FAM184A: variants seen among roughly 807,000 people sequenced by gnomAD.
The protein encoded by FAM184A is family with sequence similarity 184 member A.
A neutral mutation model predicts 143.8 loss-of-function variants in FAM184A; 99 were observed. The observed-to-expected ratio is 0.69, with a 90% CI of 0.58 to 0.81. The LOEUF (loss-of-function observed/expected upper bound fraction) is 0.81. Among genes scored for constraint, FAM184A ranks in the 40% least tolerant of loss-of-function variants. The pLI, the probability that FAM184A is intolerant of heterozygous loss-of-function variation, is 0.00. For missense variants in FAM184A, 1,217 were observed against 1,310.5 expected (o/e 0.93, Z 1.10); for synonymous variants, 427 against 446.4 (o/e 0.96, Z 0.55).
chr6:119,113,344 G>T (rs949320517), intron 1 of FAM184A, among the ~76,000 whole-genome samples: 1 of 152,154 alleles, frequency 6.6e-6, no homozygotes, highest in Non-Finnish European at 1.5e-5. Context: ...ATGAGGCCTG[G>T]CTGTGTCCTG....
At position 118,997,700 on chromosome 6, in the gene FAM184A, GA is replaced by G. The variant is rs199929905; in HGVS notation, c.2088+5198del. Among the ~76,000 whole-genome samples the G allele has an allele frequency of 6.6e-3, 945 of 143,816 alleles. 6 individuals carry two copies. Among genetic ancestry groups the G allele is most frequent in the African/African-American group, 0.022 (877 of 39,256 alleles). 94.3% of individuals were successfully genotyped at this position (143,816 alleles called of 152,430 possible). The stretch of plus-strand genomic sequence containing the variant: ...GACACAGCAAGACTCCATCTCAGGG[GA>G]AAAAAAAAACAAAAACAACAGCAGA... On this transcript the variant is annotated intron_variant, in intron 9 of 17. Transcript: ENST00000338891.
chr6:119,074,603 C>CAA (rs148111036), intron 1 of FAM184A, among the ~76,000 whole-genome samples: 10 of 150,116 alleles, frequency 6.7e-5, no homozygotes, highest in South Asian at 4.2e-4. Context: ...TTGAAAGTGA[C>CAA]AAAAAAAAAG....
chr6:118,970,043 A>ACCCAG (rs1259536799), intron 14 of FAM184A, among the ~76,000 whole-genome samples: 1 of 67,024 alleles, frequency 1.5e-5, no homozygotes, highest in Non-Finnish European at 3.1e-5. Flanking sequence ...TTGTTCTGTC[A>ACCCAG]CCCAGGCTGG....
chr6:118,966,836 A>G lies in FAM184A; in HGVS notation c.3032T>C (p.Ile1011Thr). ...TERDQIIKKL[I>T]EDNKFYQLEL... ...TAGACTAAAACCAAAATATCTTACA[A>G]TTAGTTTCTTTATGATCTGGTCTCT... Residue 1011 changes from isoleucine (I) to threonine (T), a missense_variant and splice_region_variant, in exon 15 of 18, where the codon ATT (isoleucine) becomes ACT (threonine). Physicochemically the swap from Ile to Thr is moderately conservative, Grantham distance 89 (BLOSUM62 -1). Coordinates refer to ENST00000338891, the MANE Select transcript of FAM184A (RefSeq NM_024581.6). 7 of 1,509,220 alleles carry G rather than the reference A, an allele frequency of 4.6e-6. No individual in the cohort carries two copies. Among genetic ancestry groups the G allele is most frequent in the Non-Finnish European group, 6.4e-6 (7 of 1,095,090 alleles). 93.5% of individuals were successfully genotyped at this position (1,509,220 alleles called of 1,614,324 possible).
chr6:119,099,776 G>A (rs994903237), intron 1 of FAM184A, among the ~76,000 whole-genome samples: 2 of 152,044 alleles, frequency 1.3e-5, no homozygotes, highest in African/African-American at 4.8e-5. Context: ...CCTGAAGAGG[G>A]CATGGAAACT....
intron 7 of FAM184A, among the ~76,000 whole-genome samples, chr6:119,004,936 C>T (rs1056029202): frequency 2.0e-5 from 3 of 152,108 alleles, no homozygotes; most frequent in Admixed American, 1.3e-4. Flanking sequence ...TGGGTGCGCA[C>T]CAAGGCAAGA....
At chr6:119,040,923 G>A (rs1786304718) in intron 1 of FAM184A, among the ~76,000 whole-genome samples, 1 of 152,126 alleles carries the variant, frequency 6.6e-6, no homozygotes, top group Non-Finnish European at 1.5e-5. Context: ...GTTCCAGAAG[G>A]TGAACAAATG....
chr6:119,140,496 A>G (rs558237932), intron 1 of FAM184A, among the ~76,000 whole-genome samples: 3 of 152,292 alleles, frequency 2.0e-5, no homozygotes, highest in African/African-American at 7.2e-5. Flanking sequence ...CACTTTCCCA[A>G]ACTCACAGGG....
intron 1 of FAM184A, among the ~76,000 whole-genome samples, chr6:119,123,547 A>C (rs1241147453): frequency 6.6e-6 from 1 of 152,130 alleles, no homozygotes; most frequent in Non-Finnish European, 1.5e-5. Flanking sequence ...TAACTTTTGA[A>C]AGTGTTGAGT....
chr6:119,012,672 T>G (rs143820388), intron 5 of FAM184A, among the ~76,000 whole-genome samples: 1 of 152,326 alleles, frequency 6.6e-6, no homozygotes, highest in East Asian at 1.9e-4. Flanking sequence ...AAATTCCAGA[T>G]TCCCAGAAGG....
chr6:119,055,081 C>T (rs138042651), intron 1 of FAM184A, among the ~76,000 whole-genome samples: 1 of 152,286 alleles, frequency 6.6e-6, no homozygotes, highest in Non-Finnish European at 1.5e-5. Context: ...CTCTCAACTA[C>T]TACTCTACTT....
chr6:119,015,384 G>C (rs1785210374), intron 5 of FAM184A, among the ~76,000 whole-genome samples: 1 of 152,182 alleles, frequency 6.6e-6, no homozygotes, highest in Non-Finnish European at 1.5e-5. Flanking sequence ...CTGGAGTTCT[G>C]GGTGGGTGTG....
intron 9 of FAM184A, 58 bp downstream of exon 9, chr6:119,002,841 G>T: frequency 1.4e-6 from 2 of 1,410,184 alleles, no homozygotes; most frequent in Admixed American, 2.4e-5. Flanking sequence ...TACAATATTT[G>T]CCTAGCCAGA....
At chr6:118,962,134 A>G (rs1270237992) in intron 16 of FAM184A, 171 bp from the exon 17 acceptor site, 15 of 620,636 alleles carry the variant, frequency 2.4e-5, no homozygotes, top group Non-Finnish European at 3.7e-5. Flanking sequence ...CCTTGGAGGT[A>G]TTTTTTATCT....
intron 1 of FAM184A, among the ~76,000 whole-genome samples, chr6:119,099,786 T>G (rs2114832516): frequency 6.6e-6 from 1 of 152,168 alleles, no homozygotes; most frequent in East Asian, 1.9e-4. Context: ...GCATGGAAAC[T>G]CCACACCCCT....
rs147886372 is a variant in FAM184A at position 119,133,648 on chromosome 6, G to A, written c.-202+15430C>T. Among the ~76,000 whole-genome samples, 23 of 152,130 alleles carry A rather than the reference G, an allele frequency of 1.5e-4. No individual in the cohort carries two copies. The East Asian group carries it at 4.1e-3, about 27-fold the overall frequency. ...GGTGTGATGTGGGCAAAGTGACTTT[G>A]TTCAGCTGAAGAAGGCTGACCGTTG... On this transcript the variant is annotated intron_variant, in intron 1 of 16. Coordinates refer to the FAM184A transcript ENST00000352896.
At chr6:119,134,258 T>C (rs556467684) in intron 1 of FAM184A, among the ~76,000 whole-genome samples, 1 of 152,216 alleles carries the variant, frequency 6.6e-6, no homozygotes, top group East Asian at 1.9e-4. Flanking sequence ...ATACAAATAG[T>C]CTATAATCTT....
At chr6:119,128,844 G>A (rs559146642) in intron 1 of FAM184A, among the ~76,000 whole-genome samples, 49 of 151,880 alleles carry the variant, frequency 3.2e-4, no homozygotes, top group Admixed American at 8.5e-4. Context: ...TGGGGGAGGG[G>A]CCCTGGAATT....
chr6:119,025,795 A>T (rs757907661), intron 1 of FAM184A, among the ~76,000 whole-genome samples: 6 of 152,232 alleles, frequency 3.9e-5, no homozygotes, highest in Non-Finnish European at 5.9e-5. Context: ...GCTAAAAATC[A>T]GTGTCTGGAG....
Sources: allele counts gnomAD v4.1 joint callset (sites outside exome capture counted in the v4.1 genomes callset), GRCh38; gene constraint gnomAD v4.1.1; transcripts MANE v1.5; gene names NCBI Gene and HGNC (gene_info 2026-07-23, HGNC 2026-07-21).